MACROD2: variants seen among roughly 807,000 people sequenced by gnomAD.
MACROD2 encodes mono-ADP ribosylhydrolase 2.
MACROD2 carries 36 observed loss-of-function variants against 70.4 expected under a neutral mutation model. The ratio of observed to expected loss-of-function variants is 0.51; its 90% confidence interval spans 0.39 to 0.68. The LOEUF (loss-of-function observed/expected upper bound fraction) is 0.68. MACROD2 is among the 30% of genes least tolerant of loss of function. The pLI, the probability that MACROD2 is intolerant of heterozygous loss-of-function variation, is 0.00. For missense variants in MACROD2, 496 were observed against 538.4 expected (o/e 0.92, Z 0.78); for synonymous variants, 172 against 178.8 (o/e 0.96, Z 0.30).
intron 3 of MACROD2, among the ~76,000 whole-genome samples, chr20:14,156,337 G>A (rs775516157): frequency 6.6e-6 from 1 of 152,046 alleles, no homozygotes; most frequent in South Asian, 2.1e-4. Flanking sequence ...TGTCCCCTTA[G>A]CTTTCTTATT....
Position 14,684,648 on chromosome 20 carries a change from A to AC in MACROD2, c.302-183dup, listed in dbSNP as rs11467642. 2.8e-3 allele frequency among the ~76,000 whole-genome samples: 377 copies of AC among 134,588 alleles called. 4 individuals carry two copies. Among genetic ancestry groups the AC allele is most frequent in the Middle Eastern group, 8.3e-3 (2 of 240 alleles). The allele number at this position is 134,588 out of a possible 152,430, so 88.3% of individuals were successfully genotyped here. ...CTACTTCTGTTCACCACATAACCTC[A>AC]CCCCCCCCCCCCGGCCCCCGCCAAC... On this transcript the variant is annotated intron_variant, in intron 4 of 17. Transcript: ENST00000684519.
chr20:14,571,105 C>T (rs1024414961), intron 4 of MACROD2, among the ~76,000 whole-genome samples: 2 of 152,018 alleles, frequency 1.3e-5, no homozygotes, highest in Admixed American at 6.6e-5. Flanking sequence ...TAAGTACCTT[C>T]GAAGATGCTC....
chr20:13,995,642 C>G lies in MACROD2; in HGVS notation c.-122C>G. The G allele has an allele frequency of 1.1e-6, 1 of 879,338 alleles. No homozygotes were observed. The allele number at this position is 879,338 out of a possible 1,614,324, so 54.5% of individuals were successfully genotyped here. ...GGCGAGCGGCGAGCAGCGCAGGACG[C>G]AGAGCCTCTTTCACTTTTTCCCTGC... On this transcript the variant is annotated 5_prime_UTR_variant, in exon 1 of 18. Coordinates refer to ENST00000684519, the MANE Select transcript of MACROD2 (RefSeq NM_001351661.2). This position sits in a 1 kb window ranked among gnomAD's most constrained non-coding sequence, Gnocchi z 4.3.
At chr20:15,347,998 CA>C (rs1399036302) in intron 6 of MACROD2, among the ~76,000 whole-genome samples, 1 of 152,188 alleles carries the variant, frequency 6.6e-6, no homozygotes, top group Non-Finnish European at 1.5e-5. Flanking sequence ...ACAACGTACT[CA>C]CCAACCCCAT....
chr20:15,611,683 G>A (rs1304436994), intron 8 of MACROD2, among the ~76,000 whole-genome samples: 1 of 151,538 alleles, frequency 6.6e-6, no homozygotes, highest in Admixed American at 6.6e-5. Flanking sequence ...GACCCCCTCG[G>A]CACTTACATG....
chr20:15,765,077 A>T (rs1292780860), intron 8 of MACROD2, among the ~76,000 whole-genome samples: 2 of 151,984 alleles, frequency 1.3e-5, no homozygotes, highest in Non-Finnish European at 2.9e-5. Flanking sequence ...TTCTTCTCAA[A>T]TGGCACTTCC....
intron 5 of MACROD2, among the ~76,000 whole-genome samples, chr20:14,897,077 C>T (rs1018293080): frequency 3.9e-5 from 6 of 152,088 alleles, no homozygotes; most frequent in Non-Finnish European, 5.9e-5. Context: ...CCTGGAGTTC[C>T]TGCACTTTTC....
chr20:14,274,447 C>G (rs542224785), intron 3 of MACROD2, among the ~76,000 whole-genome samples: 267 of 152,180 alleles, frequency 1.8e-3, no homozygotes, highest in African/African-American at 5.4e-3. Context: ...ATTCAACAAC[C>G]CTTCATGCTA....
chr20:15,108,051 G>A (rs1363787826), intron 5 of MACROD2, among the ~76,000 whole-genome samples: 1 of 151,256 alleles, frequency 6.6e-6, no homozygotes, highest in African/African-American at 2.4e-5. Context: ...AGGCAGTAGA[G>A]GCTATTGGTT....
At chr20:15,117,485 A>T (rs186556541) in intron 5 of MACROD2, among the ~76,000 whole-genome samples, 270 of 152,186 alleles carry the variant, frequency 1.8e-3, no homozygotes, top group African/African-American at 6.1e-3. Flanking sequence ...ATAAAAATGA[A>T]ATGAATCTTA....
chr20:15,736,172 T>G (rs915065659), intron 8 of MACROD2, among the ~76,000 whole-genome samples: 3 of 152,226 alleles, frequency 2.0e-5, no homozygotes, highest in Non-Finnish European at 4.4e-5. Flanking sequence ...ACATTGCAGA[T>G]GCTCAGTACC....
chr20:15,716,219 T>C (rs1451019504), intron 8 of MACROD2, among the ~76,000 whole-genome samples: 1 of 152,184 alleles, frequency 6.6e-6, no homozygotes, highest in Non-Finnish European at 1.5e-5. Context: ...TCTGATCAGT[T>C]GATTTAAATA....
intron 4 of MACROD2, among the ~76,000 whole-genome samples, chr20:14,618,695 A>G (rs916638408): frequency 3.3e-5 from 5 of 152,134 alleles, no homozygotes; most frequent in Non-Finnish European, 4.4e-5. Context: ...CTCTCCTCAC[A>G]TGCCACATTG....
chr20:15,862,070 A>C (rs2064431898), intron 8 of MACROD2, among the ~76,000 whole-genome samples: 1 of 152,232 alleles, frequency 6.6e-6, no homozygotes, highest in Admixed American at 6.5e-5. Flanking sequence ...AACTCTTTAC[A>C]TACAGAAGTT....
At chr20:14,330,744 T>A (rs2082820735) in intron 3 of MACROD2, among the ~76,000 whole-genome samples, 1 of 152,126 alleles carries the variant, frequency 6.6e-6, no homozygotes, top group African/African-American at 2.4e-5. Flanking sequence ...ATTTATTGTT[T>A]AATGTGAGGT....
At chr20:14,114,012 A>G (rs1015295773) in intron 3 of MACROD2, among the ~76,000 whole-genome samples, 5 of 152,170 alleles carry the variant, frequency 3.3e-5, no homozygotes, top group Non-Finnish European at 7.4e-5. Context: ...ATCTTTAGGT[A>G]TAGAAAAATT....
chr20:14,487,422 A>G (rs1020029656), intron 3 of MACROD2, among the ~76,000 whole-genome samples: 1 of 152,340 alleles, frequency 6.6e-6, no homozygotes. Flanking sequence ...TTTGGAGTTT[A>G]AGGAACTTTC....
chr20:15,995,058 A>G (rs1273023322), intron 15 of MACROD2, among the ~76,000 whole-genome samples: 2 of 152,172 alleles, frequency 1.3e-5, no homozygotes, highest in African/African-American at 2.4e-5. Flanking sequence ...TATATTTGAT[A>G]TACTCAATTG....
rs528221874 is a variant in MACROD2, at chr20:15,355,102, G to A, written c.541-76303G>A. ...CCCAACTGATCTAATGCCAACTGGA[G>A]TACTATAATACAATTCTGATGCATT... On this transcript the variant is annotated intron_variant, in intron 6 of 17. Transcript: ENST00000684519. Among the ~76,000 whole-genome samples, 19 of 152,286 alleles carry A rather than the reference G, an allele frequency of 1.2e-4. 1 individual carries two copies. The highest frequency in any genetic ancestry group is 4.6e-4 in the African/African-American group (19 of 41,554).
Sources: gnomAD v4.1 joint callset for allele counts (sites outside exome capture counted in the v4.1 genomes callset) on GRCh38, gnomAD v4.1.1 for gene constraint, Gnocchi (gnomAD v3.1) non-coding constraint, MANE v1.5 for transcripts, NCBI Gene and HGNC (gene_info 2026-07-23, HGNC 2026-07-21) for gene names.